BTN2A1: variants seen among roughly 807,000 people sequenced by gnomAD.
BTN2A1 encodes the protein butyrophilin subfamily 2 member A1.
Under a neutral mutation model 34.5 loss-of-function variants are expected in BTN2A1, and 41 were observed. That is an observed-to-expected ratio of 1.19 (90% CI 0.93 to 1.54). BTN2A1 has a LOEUF of 1.54. BTN2A1 is among the 40% of genes most tolerant of loss of function. The probability of loss-of-function intolerance (pLI) is 0.00; values close to 1 mark genes in which losing one functional copy is unlikely to be tolerated. For missense variants in BTN2A1, 642 were observed against 662.0 expected, an observed-to-expected ratio of 0.97 and a Z score of 0.33; for synonymous variants, 267 against 258.6, an observed-to-expected ratio of 1.03 and a Z score of -0.31.
intron 3 of BTN2A1, among the ~76,000 whole-genome samples, chr6:26,460,081 G>A (rs1193938741): frequency 6.6e-6 from 1 of 152,136 alleles, no homozygotes; most frequent in Non-Finnish European, 1.5e-5. Flanking sequence ...CCGTGAGCAG[G>A]GGAAAATGGT....
Position 26,459,718 on chromosome 6 carries a change from G to C in BTN2A1, c.320G>C (p.Ser107Thr), listed in dbSNP as rs141312257. ...TFVSKDISRG[S>T]VALVIHNITA... ...GTGAGCAAAGACATCAGCAGGGGCA[G>C]CGTGGCCCTGGTCATACACAACATC... The change falls in exon 3 of 8, where the codon AGC becomes ACC. Residue 107 changes from serine to threonine, a missense_variant. Coordinates refer to ENST00000312541, the MANE Select transcript of BTN2A1 (RefSeq NM_007049.5). 4 of 1,614,054 alleles carry C rather than the reference G, an allele frequency of 2.5e-6. No individual in the cohort carries two copies. The highest frequency in any genetic ancestry group is 3.4e-6 in the Non-Finnish European group (4 of 1,180,026).
Position 26,463,494 on chromosome 6 carries a change from C to A in BTN2A1, c.681C>A (p.Gly227=), listed in dbSNP as rs552507552. 6.2e-6 allele frequency: 10 copies of A among 1,613,946 alleles called. No individual in the cohort carries two copies. In the East Asian group the frequency reaches 2.2e-4, roughly 36 times the overall value. ...MSCSINNTLL[G]QKKESVIFIP... is the part of the protein sequence containing the mutation. Reference sequence around the variant, plus strand: ...GCTCTATCAACAACACCCTGCTCGGCCAGAAGAAAGAAAGTGTCATTTTTA... The same window carrying A: ...GCTCTATCAACAACACCCTGCTCGGACAGAAGAAAGAAAGTGTCATTTTTA... The change falls in exon 4 of 8, where the codon GGC becomes GGA. Residue 227 remains glycine (G), a synonymous_variant. Transcript: ENST00000312541.
In BTN2A1 at chr6:26,468,636, C is replaced by T; in HGVS notation, c.*87C>T. The T allele has an allele frequency of 6.2e-7, 1 of 1,614,062 alleles. No individual in the cohort carries two copies. Among genetic ancestry groups the T allele is most frequent in the Non-Finnish European group, 8.5e-7 (1 of 1,180,034 alleles). ...CAACACCCCTGGTGGAAGACACGCC[C>T]TCCTCCCCTCTGGTCACACAAGAGA... On this transcript the variant is annotated 3_prime_UTR_variant, in exon 8 of 8. Coordinates refer to ENST00000312541, the MANE Select transcript of BTN2A1 (RefSeq NM_007049.5).
At chr6:26,476,139 A>G (rs1390414415) in exon 8 of BTN2A1, 3 of 1,536,252 alleles carry the variant, frequency 2.0e-6, no homozygotes, top group Admixed American at 2.0e-5. Flanking sequence ...TTGAAGCTTT[A>G]TATATCATTT....
At position 26,468,557 on chromosome 6, in the gene BTN2A1, T is replaced by A. The variant is rs573342964; in HGVS notation, c.*8T>A. Reference sequence around the variant, plus strand: ...ACCCACCAGAGCCTATAGAATCAATTCCTTGGTCTCACAGCCATGTAGACA... The same window carrying A: ...ACCCACCAGAGCCTATAGAATCAATACCTTGGTCTCACAGCCATGTAGACA... On this transcript the variant is annotated 3_prime_UTR_variant, in exon 8 of 8. Coordinates refer to ENST00000312541, the MANE Select transcript of BTN2A1 (RefSeq NM_007049.5). 11 of 1,614,030 alleles carry A rather than the reference T, an allele frequency of 6.8e-6. No homozygotes were observed. The Admixed American group carries it at 1.8e-4, about 27-fold the overall frequency.
rs757193753 is a variant in BTN2A1, at chr6:26,465,301, A to C, written c.829A>C (p.Lys277Gln). 2 of 1,614,214 alleles carry C rather than the reference A, an allele frequency of 1.2e-6. No individual in the cohort carries two copies. The highest frequency in any genetic ancestry group is 1.7e-6 in the Non-Finnish European group (2 of 1,180,040). Residue 277 changes from lysine (K) to glutamine (Q), a missense_variant, in exon 5 of 8, where the codon AAG (lysine) becomes CAG (glutamine). Coordinates refer to ENST00000312541, the MANE Select transcript of BTN2A1 (RefSeq NM_007049.5). ...YWINKLQKEK[K>Q]ILSGEKEFER... is the part of the protein sequence containing the mutation. ...GATCAACAAACTCCAAAAGGAAAAA[A>C]AGATTCTGTCAGGGGAAAAGGAGTT... is the stretch of plus-strand genomic sequence containing the variant.
chr6:26,469,357 A>G lies in BTN2A1; in HGVS notation c.*808A>G. On this transcript the variant is annotated 3_prime_UTR_variant, in exon 8 of 8. Transcript: ENST00000312541. ...CAGTGGCTTCAAACTTCCTGGTTTC[A>G]TGATATCTTGAGACGCCTTACAAAT... The G allele has an allele frequency of 4.1e-6, 4 of 985,382 alleles. No individual in the cohort carries two copies. Among genetic ancestry groups the G allele is most frequent in the Non-Finnish European group, 4.8e-6 (4 of 829,780 alleles). The allele number at this position is 985,382 out of a possible 1,614,324, so 61.0% of individuals were successfully genotyped here.
chr6:26,465,079 G>T (rs1581672476), intron 4 of BTN2A1, 106 bp from the exon 5 acceptor site: 1 of 904,900 alleles, frequency 1.1e-6, no homozygotes, highest in East Asian at 2.4e-5. Context: ...GAGGGAGAAA[G>T]CAGGAGAGCA....
intron 7 of BTN2A1, among the ~76,000 whole-genome samples, chr6:26,474,872 C>T (rs1262207516): frequency 1.3e-5 from 2 of 151,936 alleles, no homozygotes; most frequent in African/African-American, 2.4e-5. Context: ...CCTCAGCCTC[C>T]GGAGTAGCTG....
At chr6:26,465,481 G>T (rs2113862930) in intron 5 of BTN2A1, 75 bp downstream of exon 5, 2 of 1,412,298 alleles carry the variant, frequency 1.4e-6, no homozygotes, top group East Asian at 2.3e-5. Flanking sequence ...CAGATCACTT[G>T]AGCCCTGGAG....
chr6:26,465,277 A>G lies in BTN2A1; in HGVS notation c.805A>G (p.Ile269Val), dbSNP rs779917277. 1 of 1,614,056 alleles carries G rather than the reference A, an allele frequency of 6.2e-7. No homozygotes were observed. The highest frequency in any genetic ancestry group is 1.3e-5 in the African/African-American group (1 of 74,912). Residue 269 changes from isoleucine to valine, a missense_variant, in exon 5 of 8, where the codon ATC becomes GTC. Coordinates refer to ENST00000312541, the MANE Select transcript of BTN2A1 (RefSeq NM_007049.5). Reference protein sequence around the residue: ...MIPIAVCIYWINKLQKEKKIL... With the variant: ...MIPIAVCIYWVNKLQKEKKIL... Reference sequence around the variant, plus strand: ...ACCCATTGCCGTATGCATCTATTGGATCAACAAACTCCAAAAGGAAAAAAA... The same window carrying G: ...ACCCATTGCCGTATGCATCTATTGGGTCAACAAACTCCAAAAGGAAAAAAA...
At chr6:26,467,495 A>G (rs1763346624) in intron 7 of BTN2A1, among the ~76,000 whole-genome samples, 1 of 152,038 alleles carries the variant, frequency 6.6e-6, no homozygotes, top group Non-Finnish European at 1.5e-5. Flanking sequence ...TATTTTTAGT[A>G]GAGATGGGGT....
chr6:26,465,312 A>G lies in BTN2A1; in HGVS notation c.840A>G (p.Ser280=). 6.2e-7 allele frequency: 1 copy of G among 1,614,206 alleles called. No homozygotes were observed. Among genetic ancestry groups the G allele is most frequent in the Non-Finnish European group, 8.5e-7 (1 of 1,180,022 alleles). Residue 280 remains serine, a synonymous_variant, in exon 5 of 8, where the codon TCA becomes TCG. Coordinates refer to ENST00000312541, the MANE Select transcript of BTN2A1 (RefSeq NM_007049.5). The stretch of plus-strand genomic sequence containing the variant: ...TCCAAAAGGAAAAAAAGATTCTGTC[A>G]GGGGAAAAGGAGTTTGAACGGGAAA... The part of the protein sequence containing the change: ...NKLQKEKKIL[S]GEKEFERETR...
downstream of BTN2A1, among the ~76,000 whole-genome samples, chr6:26,472,393 T>C (rs1763467347): frequency 6.6e-6 from 1 of 152,188 alleles, no homozygotes; most frequent in Non-Finnish European, 1.5e-5. Context: ...AGTAGATCTG[T>C]TATTGAACAA....
At position 26,469,136 on chromosome 6, in the gene BTN2A1, C is replaced by T. The variant is rs1226714737; in HGVS notation, c.*587C>T. The T allele has an allele frequency of 2.0e-5, 22 of 1,095,366 alleles. No homozygotes were observed. The East Asian group carries it at 2.1e-4, about 10-fold the overall frequency. 67.9% of individuals were successfully genotyped at this position (1,095,366 alleles called of 1,614,324 possible). On this transcript the variant is annotated 3_prime_UTR_variant, in exon 8 of 8. Transcript: ENST00000312541. Reference sequence around the variant, plus strand: ...ACCCAGCCCCAGGATTTCCAGAGCGCACATCCACAGGCCTGGACCTGGGAT... The same window carrying T: ...ACCCAGCCCCAGGATTTCCAGAGCGTACATCCACAGGCCTGGACCTGGGAT...
Position 26,465,476 on chromosome 6 carries a change from C to T in BTN2A1, c.934+70C>T. 4.1e-6 allele frequency: 6 copies of T among 1,450,224 alleles called. 1 individual carries two copies. The highest frequency in any genetic ancestry group is 4.6e-5 in the East Asian group (2 of 43,852). 89.8% of individuals were successfully genotyped at this position (1,450,224 alleles called of 1,614,324 possible). ...CTGTGGGAGGCTGAGGCAGGCAGAT[C>T]ACTTGAGCCCTGGAGTTCGAGACCA... On this transcript the variant is annotated intron_variant, in intron 5 of 7. Coordinates refer to ENST00000312541, the MANE Select transcript of BTN2A1 (RefSeq NM_007049.5).
Position 26,469,298 on chromosome 6 carries a change from G to C in BTN2A1, c.*749G>C. 1 of 990,668 alleles carries C rather than the reference G, an allele frequency of 1.0e-6. No individual in the cohort carries two copies. The highest frequency in any genetic ancestry group is 5.7e-5 in the Admixed American group (1 of 17,472). The allele number at this position is 990,668 out of a possible 1,614,324, so 61.4% of individuals were successfully genotyped here. On this transcript the variant is annotated 3_prime_UTR_variant, in exon 8 of 8. Transcript: ENST00000312541. ...GGCTGAGCCAAGGAGTAATGGACCA[G>C]ATCTACCTCAGTATTCAAGTTCAGT... is the stretch of plus-strand genomic sequence containing the variant.
chr6:26,476,287 G>GCC lies in BTN2A1; in HGVS notation c.*157_*158dup, dbSNP rs1763537280. On this transcript the variant is annotated 3_prime_UTR_variant, in exon 8 of 8. Coordinates refer to the BTN2A1 transcript ENST00000469185. ...AAGAACTGCTGAGCGGGTCTGTAGA[G>GCC]CCCATCGCTCTCTCCTGTCTATTCA... 14 of 993,332 alleles carry GCC rather than the reference G, an allele frequency of 1.4e-5. 1 individual carries two copies. In the South Asian group the frequency reaches 1.9e-4, roughly 14 times the overall value. The allele number at this position is 993,332 out of a possible 1,614,324, so 61.5% of individuals were successfully genotyped here. A position where few individuals can be genotyped will look rare whatever the true frequency, so the allele number is the denominator to read the frequency against.
At chr6:26,467,798 G>A in intron 7 of BTN2A1, 150 bp from the exon 8 acceptor site, 1 of 1,565,740 alleles carries the variant, frequency 6.4e-7, no homozygotes, top group Non-Finnish European at 8.6e-7. Context: ...TTCTCAGTGT[G>A]TGAGCTGCCT....
Sources: allele counts gnomAD v4.1 joint callset (sites outside exome capture counted in the v4.1 genomes callset), GRCh38; gene constraint gnomAD v4.1.1; transcripts MANE v1.5; gene names NCBI Gene and HGNC (gene_info 2026-07-23, HGNC 2026-07-21).